The following NPAS3 variants were observed in gnomAD, a reference collection of about 807,000 sequenced individuals.
NPAS3 encodes neuronal PAS domain protein 3, also known as neuronal PAS domain-containing protein 3.
A neutral mutation model predicts 73.1 loss-of-function variants in NPAS3; 14 were observed. That is an observed-to-expected ratio of 0.19 (90% CI 0.13 to 0.30). The LOEUF (loss-of-function observed/expected upper bound fraction) is 0.30, where lower values mean the gene tolerates loss of function less well. Ranked by LOEUF, NPAS3 falls within the 10% of genes least tolerant of loss-of-function variation. The probability of loss-of-function intolerance (pLI) is 1.00; values close to 1 mark genes in which losing one functional copy is unlikely to be tolerated. For synonymous variants in NPAS3, 620 were observed against 541.5 expected (o/e 1.14, Z -2.01); for missense variants, 1,096 against 1,250.0 (o/e 0.88, Z 1.86).
chr14:33,113,185 T>C (rs1007958377), intron 2 of NPAS3, among the ~76,000 whole-genome samples: 2 of 152,124 alleles, frequency 1.3e-5, no homozygotes, highest in African/African-American at 4.8e-5. Flanking sequence ...TTAAAGTAGT[T>C]TTTTTCCAAT....
At chr14:33,386,046 A>C (rs776575012) in intron 4 of NPAS3, among the ~76,000 whole-genome samples, 20 of 150,460 alleles carry the variant, frequency 1.3e-4, no homozygotes, top group Non-Finnish European at 2.4e-4. Context: ...GTGTGTGTGC[A>C]CTTGAACACA....
intron 7 of NPAS3, among the ~76,000 whole-genome samples, chr14:33,752,024 CCTT>C (rs2061977991): frequency 6.6e-6 from 1 of 152,126 alleles, no homozygotes; most frequent in South Asian, 2.1e-4. Flanking sequence ...CCCTTTCTCT[CCTT>C]CTCCCCAAAA....
At chr14:33,563,999 G>A (rs1234478157) in intron 5 of NPAS3, among the ~76,000 whole-genome samples, 1 of 152,132 alleles carries the variant, frequency 6.6e-6, no homozygotes, top group African/African-American at 2.4e-5. Context: ...TTAAAGCTTA[G>A]AGAAATATTT....
intron 2 of NPAS3, among the ~76,000 whole-genome samples, chr14:33,209,173 G>A (rs1423404022): frequency 6.6e-6 from 1 of 152,034 alleles, no homozygotes; most frequent in Non-Finnish European, 1.5e-5. Flanking sequence ...ACTTCAATTT[G>A]TGATCTTTGT....
intron 3 of NPAS3, among the ~76,000 whole-genome samples, chr14:33,344,119 C>A (rs1302936898): frequency 6.6e-6 from 1 of 152,082 alleles, no homozygotes; most frequent in East Asian, 1.9e-4. Context: ...GATTATTATT[C>A]ATTTCCCAGC....
At chr14:33,305,060 G>T (rs1331097201) in intron 3 of NPAS3, among the ~76,000 whole-genome samples, 2 of 152,070 alleles carry the variant, frequency 1.3e-5, no homozygotes, top group African/African-American at 2.4e-5. Context: ...TAATTACATT[G>T]CCCTGGAGAA....
At chr14:33,055,223 T>C (rs2040846851) in intron 1 of NPAS3, among the ~76,000 whole-genome samples, 1 of 152,214 alleles carries the variant, frequency 6.6e-6, no homozygotes, top group Non-Finnish European at 1.5e-5. Flanking sequence ...CAGATGAATT[T>C]ATATGCTTAA....
intron 4 of NPAS3, among the ~76,000 whole-genome samples, chr14:33,541,129 A>ATGTGTGTG (rs2054497539): frequency 9.1e-6 from 1 of 109,390 alleles, no homozygotes; most frequent in Admixed American, 9.1e-5. Flanking sequence ...GTGTGTGTGC[A>ATGTGTGTG]TGCACACACA....
At chr14:33,253,990 T>C (rs923004967) in intron 3 of NPAS3, among the ~76,000 whole-genome samples, 5 of 152,120 alleles carry the variant, frequency 3.3e-5, no homozygotes, top group Non-Finnish European at 7.4e-5. Flanking sequence ...TACCCAAATA[T>C]AAACTGGGAA....
chr14:33,776,499 C>A (rs146440129), intron 8 of NPAS3, among the ~76,000 whole-genome samples: 54 of 103,830 alleles, frequency 5.2e-4, no homozygotes, highest in Admixed American at 8.8e-4. Flanking sequence ...CTGTGACCTG[C>A]TTTTGGCGTT....
At chr14:33,005,484 T>A (rs1335569653) in intron 1 of NPAS3, among the ~76,000 whole-genome samples, 1 of 152,128 alleles carries the variant, frequency 6.6e-6, no homozygotes, top group East Asian at 1.9e-4. Flanking sequence ...TGATAACAAT[T>A]AATCTGAGAG....
chr14:33,706,112 G>C (rs886502541), intron 6 of NPAS3, among the ~76,000 whole-genome samples: 1 of 152,184 alleles, frequency 6.6e-6, no homozygotes, highest in African/African-American at 2.4e-5. Flanking sequence ...CCATGGTTGG[G>C]AGAGCCATCA....
chr14:33,255,071 G>T (rs1001563474), intron 3 of NPAS3, among the ~76,000 whole-genome samples: 6 of 152,142 alleles, frequency 3.9e-5, no homozygotes, highest in Admixed American at 3.3e-4. Flanking sequence ...CAGGCCAAAA[G>T]CTTGTATGAA....
chr14:33,031,797 T>G (rs74591316), intron 1 of NPAS3, among the ~76,000 whole-genome samples: 90 of 152,376 alleles, frequency 5.9e-4, no homozygotes, highest in Non-Finnish European at 1.0e-3. Flanking sequence ...CCACTGTACT[T>G]GGCCCTTGCC....
At chr14:33,489,427 A>C (rs2051779802) in intron 4 of NPAS3, among the ~76,000 whole-genome samples, 1 of 152,150 alleles carries the variant, frequency 6.6e-6, no homozygotes, top group African/African-American at 2.4e-5. Context: ...AATATAGAAA[A>C]TGTTGTATAT....
intron 5 of NPAS3, among the ~76,000 whole-genome samples, chr14:33,581,573 G>A (rs1277092509): frequency 1.3e-5 from 2 of 151,906 alleles, no homozygotes; most frequent in Non-Finnish European, 2.9e-5. Flanking sequence ...AATACTATGG[G>A]CGTTTTTGTC....
intron 4 of NPAS3, among the ~76,000 whole-genome samples, chr14:33,478,558 T>C (rs1383179370): frequency 6.6e-6 from 1 of 152,118 alleles, no homozygotes; most frequent in Non-Finnish European, 1.5e-5. Flanking sequence ...TGAAGACAGA[T>C]GAAGTAAAAT....
At chr14:33,604,634 A>T (rs1369334674) in intron 5 of NPAS3, among the ~76,000 whole-genome samples, 1 of 152,070 alleles carries the variant, frequency 6.6e-6, no homozygotes. Flanking sequence ...AAAAATCTCC[A>T]CCTAACAGCA....
chr14:33,678,196 A>G (rs1205075187), intron 6 of NPAS3, among the ~76,000 whole-genome samples: 1 of 152,176 alleles, frequency 6.6e-6, no homozygotes, highest in Non-Finnish European at 1.5e-5. Flanking sequence ...TCTCTGCTAG[A>G]TTCTGCCCTG....
Sources: allele counts gnomAD v4.1 joint callset (sites outside exome capture counted in the v4.1 genomes callset), GRCh38; gene constraint gnomAD v4.1.1; transcripts MANE v1.5; gene names NCBI Gene and HGNC (gene_info 2026-07-23, HGNC 2026-07-21).